The following SLC13A3 variants were observed in gnomAD, a reference collection of about 807,000 sequenced individuals.
SLC13A3 encodes solute carrier family 13 member 3.
Under a neutral mutation model 59.0 loss-of-function variants are expected in SLC13A3, and 40 were observed. The ratio of observed to expected loss-of-function variants is 0.68; its 90% CI spans 0.53 to 0.88. The LOEUF (loss-of-function observed/expected upper bound fraction) is 0.88, where lower values mean the gene tolerates loss of function less well. Ranked by LOEUF, SLC13A3 falls within the 40% of genes least tolerant of loss-of-function variation. The pLI is 0.00. For missense variants in SLC13A3, 699 were observed against 783.2 expected (o/e 0.89, Z 1.28); for synonymous variants, 317 against 330.3 (o/e 0.96, Z 0.44).
At chr20:46,679,471 G>T (rs563044966) in intron 1 of SLC13A3, among the ~76,000 whole-genome samples, 2 of 152,116 alleles carry the variant, frequency 1.3e-5, no homozygotes, top group Admixed American at 1.3e-4. Context: ...AAAATTCGCC[G>T]GGCGTGGTGG....
intron 3 of SLC13A3, among the ~76,000 whole-genome samples, chr20:46,605,669 G>A (rs2062431145): frequency 6.6e-6 from 1 of 152,148 alleles, no homozygotes; most frequent in African/African-American, 2.4e-5. Context: ...CAGTGGCAGA[G>A]TCAGGATTAT....
upstream of SLC13A3, among the ~76,000 whole-genome samples, chr20:46,655,904 TAC>T (rs1383721563): frequency 7.0e-6 from 1 of 143,216 alleles, no homozygotes. Context: ...ATATATACTG[TAC>T]AGTATATTAT....
chr20:46,609,818 G>A (rs1236625722), intron 3 of SLC13A3, among the ~76,000 whole-genome samples: 3 of 152,182 alleles, frequency 2.0e-5, no homozygotes, highest in Admixed American at 1.3e-4. Flanking sequence ...CCACACCACA[G>A]AGAGCGCTAC....
intron 10 of SLC13A3, among the ~76,000 whole-genome samples, chr20:46,573,186 A>C (rs1469528209): frequency 6.6e-6 from 1 of 152,216 alleles, no homozygotes; most frequent in Non-Finnish European, 1.5e-5. Context: ...ATGAGCAGCT[A>C]TGTAGAGAGC....
chr20:46,577,418 T>C (rs964634984), intron 9 of SLC13A3, among the ~76,000 whole-genome samples: 2 of 152,224 alleles, frequency 1.3e-5, no homozygotes, highest in African/African-American at 4.8e-5. Context: ...TAACCAGACA[T>C]GGCAGGTGGC....
At chr20:46,666,499 G>C (rs531017974) in intron 1 of SLC13A3, among the ~76,000 whole-genome samples, 3 of 151,890 alleles carry the variant, frequency 2.0e-5, no homozygotes, top group East Asian at 1.9e-4. Context: ...TGTTGTTGTT[G>C]TTGTTGTTGT....
At chr20:46,664,423 A>G (rs1051499854) in intron 1 of SLC13A3, among the ~76,000 whole-genome samples, 1 of 152,202 alleles carries the variant, frequency 6.6e-6, no homozygotes, top group African/African-American at 2.4e-5. Flanking sequence ...ATATTTGAAT[A>G]CCTACCAGAC....
upstream of SLC13A3, among the ~76,000 whole-genome samples, chr20:46,674,931 G>A (rs2063115684): frequency 2.0e-5 from 3 of 152,064 alleles, no homozygotes; most frequent in African/African-American, 2.4e-5. Flanking sequence ...CTGGGCAGTC[G>A]ATGGGGCTGG....
chr20:46,592,026 G>C (rs894979157), intron 6 of SLC13A3, among the ~76,000 whole-genome samples: 9 of 149,964 alleles, frequency 6.0e-5, no homozygotes, highest in Non-Finnish European at 1.0e-4. Context: ...GGGCAATATA[G>C]TGAGACTCTG....
At chr20:46,639,290 C>T (rs1372013720) in intron 1 of SLC13A3, among the ~76,000 whole-genome samples, 2 of 151,910 alleles carry the variant, frequency 1.3e-5, no homozygotes, top group Non-Finnish European at 2.9e-5. Flanking sequence ...GGTGAAACCC[C>T]GTTTCTACTA....
intron 1 of SLC13A3, among the ~76,000 whole-genome samples, chr20:46,656,780 CCT>C (rs2062997137): frequency 6.6e-6 from 1 of 151,904 alleles, no homozygotes; most frequent in South Asian, 2.1e-4. Flanking sequence ...TGTAGTTCCC[CCT>C]GTCCCTGCAG....
In SLC13A3 at chr20:46,613,705, GACAA is replaced by G; in HGVS notation, c.128_131del (p.Phe43SerfsTer18). The G allele has an allele frequency of 6.2e-7, 1 of 1,603,340 alleles. No homozygotes were observed. On this transcript the variant is annotated frameshift_variant, in exon 2 of 13. Transcript: ENST00000279027. LOFTEE classifies it high-confidence loss of function. ...ACCAGTACACCGCCATGAGCAGGAT[GACAA>G]ACAAGCAGCGGCCTTCCTGCAGGAG... is the stretch of plus-strand genomic sequence containing the variant.
intron 1 of SLC13A3, among the ~76,000 whole-genome samples, chr20:46,642,338 TG>T (rs936575503): frequency 8.5e-5 from 13 of 152,334 alleles, no homozygotes; most frequent in African/African-American, 3.1e-4. Context: ...ACTCACCAGC[TG>T]GGGACCTTGG....
chr20:46,654,213 T>C (rs1233183910), upstream of SLC13A3, among the ~76,000 whole-genome samples: 1 of 152,222 alleles, frequency 6.6e-6, no homozygotes, highest in Admixed American at 6.5e-5. Flanking sequence ...GTTGAACATC[T>C]TTCCATGTGT....
chr20:46,573,525 G>A (rs866552645), intron 10 of SLC13A3, among the ~76,000 whole-genome samples: 6 of 152,202 alleles, frequency 3.9e-5, no homozygotes, highest in Non-Finnish European at 8.8e-5. Flanking sequence ...CCGTGCTTCC[G>A]AATCTCCATC....
chr20:46,635,849 G>A (rs987433994), intron 1 of SLC13A3, among the ~76,000 whole-genome samples: 2 of 152,182 alleles, frequency 1.3e-5, no homozygotes, highest in African/African-American at 4.8e-5. Flanking sequence ...CAAGGAAAGC[G>A]ACCTCTAGTT....
At chr20:46,563,626 G>GAGAGAC in intron 11 of SLC13A3, 75 bp from the exon 12 acceptor site, 1 of 1,490,310 alleles carries the variant, frequency 6.7e-7, no homozygotes, top group Non-Finnish European at 9.1e-7. Context: ...GAGAGAGAGA[G>GAGAGAC]AGAGAGGCAG....
chr20:46,653,316 T>G (rs769680890), upstream of SLC13A3, among the ~76,000 whole-genome samples: 2 of 152,218 alleles, frequency 1.3e-5, no homozygotes, highest in Non-Finnish European at 1.5e-5. Flanking sequence ...TGCATAGCCT[T>G]AGACCCCAAA....
At chr20:46,585,411 T>C (rs1448101205) in intron 8 of SLC13A3, 30 of 994,632 alleles carry the variant, frequency 3.0e-5, no homozygotes, top group Non-Finnish European at 3.6e-5. Flanking sequence ...TGAAATTCAA[T>C]ACAAAATTAA....
Sources: gnomAD v4.1 joint callset for allele counts (sites outside exome capture counted in the v4.1 genomes callset) on GRCh38, gnomAD v4.1.1 for gene constraint, MANE v1.5 for transcripts, NCBI Gene and HGNC (gene_info 2026-07-23, HGNC 2026-07-21) for gene names.